Variants in MACF1 observed in about 807,000 individuals in gnomAD.
MACF1 encodes microtubule actin crosslinking factor 1.
MACF1 carries 193 observed loss-of-function variants against 854.8 expected under a neutral mutation model. The ratio of observed to expected loss-of-function variants is 0.23; its 90% confidence interval spans 0.20 to 0.25. The LOEUF (loss-of-function observed/expected upper bound fraction) is 0.25. MACF1 is among the 10% of genes least tolerant of loss of function. The probability of loss-of-function intolerance (pLI) is 1.00; values close to 1 mark genes in which losing one functional copy is unlikely to be tolerated. For synonymous variants in MACF1, 3,185 were observed against 3,226.7 expected (o/e 0.99, Z 0.44); for missense variants, 7,722 against 8,929.1 (o/e 0.86, Z 5.45).
rs1646826360 is a variant in MACF1, at chr1:39,337,199, A to G, written c.10083A>G (p.Gln3361=). ...CTCCACAGAATGTATTTACCCGGCA[A>G]CTCTGTTTAGAACATGATGAAAAGC... The part of the protein sequence containing the change: ...FRATQNVFTR[Q]LCLEHDEKLV... Residue 3361 remains glutamine, a synonymous_variant, in exon 38 of 101, where the codon CAA becomes CAG. Coordinates refer to ENST00000564288, the MANE Select transcript of MACF1 (RefSeq NM_001394062.1). 1 of 1,613,046 alleles carries G rather than the reference A, an allele frequency of 6.2e-7. No homozygotes were observed. Among genetic ancestry groups the G allele is most frequent in the Admixed American group, 1.7e-5 (1 of 59,902 alleles).
At chr1:39,184,303 A>G (rs1164909342) in intron 2 of MACF1, among the ~76,000 whole-genome samples, 2 of 152,090 alleles carry the variant, frequency 1.3e-5, no homozygotes. Flanking sequence ...CCTCAGTTCT[A>G]TAGCTAGCAG....
chr1:39,250,282 T>G, intron 3 of MACF1, 179 bp downstream of exon 3: 1 of 420,524 alleles, frequency 2.4e-6, no homozygotes. Flanking sequence ...ACAAATTATA[T>G]AATTTAAATT....
chr1:39,283,116 A>T lies in MACF1; in HGVS notation c.696-73A>T, dbSNP rs905549519. 1.3e-5 allele frequency: 12 copies of T among 915,608 alleles called. No homozygotes were observed. In the East Asian group the frequency reaches 2.9e-4, roughly 22 times the overall value. 56.7% of individuals were successfully genotyped at this position (915,608 alleles called of 1,614,324 possible). On this transcript the variant is annotated intron_variant, in intron 7 of 100. Coordinates refer to ENST00000564288, the MANE Select transcript of MACF1 (RefSeq NM_001394062.1). This position sits in a 1 kb window ranked among gnomAD's most constrained non-coding sequence, Gnocchi z 4.5. ...TTTTTCAGCTCTGGGAACTTTCAGGAGGTTTTCTTTGTGTAAACTCATGTG... is the reference window on the plus strand; with the variant it reads ...TTTTTCAGCTCTGGGAACTTTCAGGTGGTTTTCTTTGTGTAAACTCATGTG...
At chr1:39,159,358 C>A (rs1045990205) in intron 2 of MACF1, among the ~76,000 whole-genome samples, 1 of 152,156 alleles carries the variant, frequency 6.6e-6, no homozygotes, top group African/African-American at 2.4e-5. Context: ...GCCATAGGGC[C>A]CTGCAGCCTC....
At chr1:39,440,926 A>AT (rs1212632885) in intron 72 of MACF1, 77 bp from the exon 73 acceptor site, 2 of 1,496,572 alleles carry the variant, frequency 1.3e-6, no homozygotes, top group Non-Finnish European at 9.3e-7. Flanking sequence ...TTGATGGGGT[A>AT]TAAATCACAT....
chr1:39,133,958 C>G (rs990492843), intron 2 of MACF1, among the ~76,000 whole-genome samples: 4 of 150,390 alleles, frequency 2.7e-5, no homozygotes, highest in Non-Finnish European at 4.4e-5. Context: ...ACAGCTTTTC[C>G]TAGTTTGCTA....
intron 26 of MACF1, among the ~76,000 whole-genome samples, chr1:39,314,453 A>G (rs1646367401): frequency 6.6e-6 from 1 of 152,034 alleles, no homozygotes; most frequent in Admixed American, 6.6e-5. Context: ...ATATATATGC[A>G]TACACACACA....
At position 39,385,470 on chromosome 1, in the gene MACF1, C is replaced by T. The variant is rs1195947387; in HGVS notation, c.13885C>T (p.His4629Tyr). The T allele has an allele frequency of 6.2e-7, 1 of 1,614,008 alleles. No individual in the cohort carries two copies. Among genetic ancestry groups the T allele is most frequent in the Non-Finnish European group, 8.5e-7 (1 of 1,180,014 alleles). ...GGAATTTGAAGCACGCAGGCAACAGCATGAGCAACTGAATGAGGCAGCTCA... is the reference window on the plus strand; with the variant it reads ...GGAATTTGAAGCACGCAGGCAACAGTATGAGCAACTGAATGAGGCAGCTCA... ...LKEFEARRQQ[H>Y]EQLNEAAQGI... Residue 4629 changes from histidine (H) to tyrosine (Y), a missense_variant, in exon 57 of 101, where the codon CAT (histidine) becomes TAT (tyrosine). Coordinates refer to ENST00000564288, the MANE Select transcript of MACF1 (RefSeq NM_001394062.1).
At chr1:39,412,250 A>ATGT in intron 58 of MACF1, 1 of 1,613,996 alleles carries the variant, frequency 6.2e-7, no homozygotes, top group Non-Finnish European at 8.5e-7. Context: ...GAACTAACAG[A>ATGT]TGTTACCTCA....
chr1:39,129,799 A>T (rs956996203), intron 2 of MACF1, among the ~76,000 whole-genome samples: 18 of 152,292 alleles, frequency 1.2e-4, no homozygotes, highest in African/African-American at 4.1e-4. Context: ...GTTAGTTATC[A>T]TTCCCATCTC....
intron 58 of MACF1, among the ~76,000 whole-genome samples, chr1:39,389,351 G>GTTTTTTTTTT (rs10588247): frequency 1.5e-3 from 98 of 63,458 alleles, no homozygotes; most frequent in Middle Eastern, 0.02. Context: ...GTTTTTGTGT[G>GTTTTTTTTTT]TTTTTTTTTT....
intron 58 of MACF1, among the ~76,000 whole-genome samples, chr1:39,408,579 C>T (rs892980456): frequency 4.6e-5 from 7 of 152,094 alleles, no homozygotes; most frequent in African/African-American, 1.7e-4. Flanking sequence ...AGCGCGGGCG[C>T]CCTTTCTGGA....
intron 93 of MACF1, among the ~76,000 whole-genome samples, chr1:39,462,279 G>A (rs550028968): frequency 6.6e-6 from 1 of 152,314 alleles, no homozygotes; most frequent in East Asian, 1.9e-4. Context: ...GTGGTGCTCT[G>A]AAGTTTACAG....
At chr1:39,459,416 A>G (rs1380892197) in intron 91 of MACF1, among the ~76,000 whole-genome samples, 167 bp downstream of exon 91, 2 of 152,222 alleles carry the variant, frequency 1.3e-5, no homozygotes, top group Non-Finnish European at 2.9e-5. Context: ...CCTGAATGAG[A>G]AAAGACACAT....
At chr1:39,446,925 AT>A (rs1466800909) in intron 80 of MACF1, among the ~76,000 whole-genome samples, 4 of 152,156 alleles carry the variant, frequency 2.6e-5, no homozygotes, top group Non-Finnish European at 5.9e-5. Flanking sequence ...CATAAGCATA[AT>A]TTTTAGACTC....
intron 72 of MACF1, 80 bp from the exon 73 acceptor site, chr1:39,440,923 G>A (rs186674028): frequency 7.0e-7 from 1 of 1,430,010 alleles, no homozygotes; most frequent in African/African-American, 1.4e-5. Flanking sequence ...CTATTGATGG[G>A]GTATAAATCA....
At chr1:39,262,799 AGGT>A (rs1045590842) in intron 6 of MACF1, among the ~76,000 whole-genome samples, 58 of 152,288 alleles carry the variant, frequency 3.8e-4, no homozygotes, top group African/African-American at 1.4e-3. Context: ...GTCTTCTTGT[AGGT>A]GGGAGCACCG....
At chr1:39,320,580 A>G (rs1190250692) in intron 31 of MACF1, among the ~76,000 whole-genome samples, 3 of 152,224 alleles carry the variant, frequency 2.0e-5, no homozygotes, top group Admixed American at 6.5e-5. Context: ...ATGGCTTCAT[A>G]TCATAGTCGT....
intron 40 of MACF1, among the ~76,000 whole-genome samples, chr1:39,346,106 G>A (rs909430009): frequency 6.6e-6 from 1 of 151,304 alleles, no homozygotes; most frequent in African/African-American, 2.4e-5. Flanking sequence ...GCTCACGCCT[G>A]TAATCCCAAC....
Sources: allele counts gnomAD v4.1 joint callset (sites outside exome capture counted in the v4.1 genomes callset), GRCh38; gene constraint gnomAD v4.1.1; non-coding constraint Gnocchi (gnomAD v3.1); transcripts MANE v1.5; gene names NCBI Gene and HGNC (gene_info 2026-07-23, HGNC 2026-07-21).